KCTD8: variants seen among roughly 807,000 people sequenced by gnomAD.
The protein encoded by KCTD8 is potassium channel tetramerization domain containing 8.
In KCTD8, 27 loss-of-function variants were observed where a neutral mutation model predicts 31.5. The ratio of observed to expected loss-of-function variants is 0.86; its 90% CI spans 0.63 to 1.18. The LOEUF (loss-of-function observed/expected upper bound fraction) is 1.18. Ranked by LOEUF, KCTD8 falls within the 50% of genes most tolerant of loss-of-function variation. The pLI, the probability that KCTD8 is intolerant of heterozygous loss-of-function variation, is 0.00. For synonymous variants in KCTD8, 290 were observed against 280.0 expected, an observed-to-expected ratio of 1.04 and a Z score of -0.36; for missense variants, 658 against 647.7, an observed-to-expected ratio of 1.02 and a Z score of -0.17.
intron 1 of KCTD8, among the ~76,000 whole-genome samples, chr4:44,244,851 G>T (rs902978871): frequency 4.2e-5 from 6 of 144,254 alleles, no homozygotes; most frequent in African/African-American, 1.3e-4. Flanking sequence ...TAGTTGTGGG[G>T]GGGGGGGGGT....
chr4:44,337,114 TAACA>T (rs1309420912), intron 1 of KCTD8, among the ~76,000 whole-genome samples: 1 of 152,294 alleles, frequency 6.6e-6, no homozygotes, highest in South Asian at 2.1e-4. Context: ...TCAACCTAAC[TAACA>T]ATCAATTATA....
intron 1 of KCTD8, among the ~76,000 whole-genome samples, chr4:44,189,795 A>G (rs1713707411): frequency 6.6e-6 from 1 of 152,184 alleles, no homozygotes; most frequent in Non-Finnish European, 1.5e-5. Flanking sequence ...ATGTCAAAAA[A>G]TAACTTCATT....
chr4:44,425,311 T>A (rs1290759522), intron 1 of KCTD8, among the ~76,000 whole-genome samples: 2 of 152,038 alleles, frequency 1.3e-5, no homozygotes, highest in Non-Finnish European at 2.9e-5. Flanking sequence ...CCTACCTGCA[T>A]CTGAAAGAAA....
intron 1 of KCTD8, among the ~76,000 whole-genome samples, chr4:44,420,433 G>C (rs959155460): frequency 6.6e-6 from 1 of 152,094 alleles, no homozygotes; most frequent in Non-Finnish European, 1.5e-5. Context: ...TCTTCTAAAA[G>C]GCCAGACAAA....
chr4:44,242,050 G>A (rs936345839), intron 1 of KCTD8, among the ~76,000 whole-genome samples: 9 of 152,284 alleles, frequency 5.9e-5, no homozygotes, highest in African/African-American at 2.2e-4. Context: ...CACTCCAGCT[G>A]CCAATCTTCA....
chr4:44,337,217 C>T (rs1381339805), intron 1 of KCTD8, among the ~76,000 whole-genome samples: 1 of 151,888 alleles, frequency 6.6e-6, no homozygotes, highest in Non-Finnish European at 1.5e-5. Flanking sequence ...TAAAGACAGG[C>T]TGGTAGGAGT....
chr4:44,285,768 C>T (rs1717047023), intron 1 of KCTD8, among the ~76,000 whole-genome samples: 1 of 152,076 alleles, frequency 6.6e-6, no homozygotes, highest in South Asian at 2.1e-4. Context: ...ATTTTCAAGT[C>T]TTCTTATTTA....
chr4:44,253,844 A>G lies in KCTD8; in HGVS notation c.962-78594T>C, dbSNP rs149428626. ...GTTTTAGAATTTTTGTTACATAGCA[A>G]TAAGTAGCTAAAACAGAAATTGATC... On this transcript the variant is annotated intron_variant, in intron 1 of 1. Coordinates refer to ENST00000360029, the MANE Select transcript of KCTD8 (RefSeq NM_198353.3). Among the ~76,000 whole-genome samples the G allele has an allele frequency of 3.0e-4, 46 of 152,008 alleles. 1 individual carries two copies. The East Asian group carries it at 4.5e-3, about 15-fold the overall frequency.
At chr4:44,236,840 C>T (rs776981670) in intron 1 of KCTD8, among the ~76,000 whole-genome samples, 32 of 152,066 alleles carry the variant, frequency 2.1e-4, no homozygotes, top group Non-Finnish European at 3.4e-4. Flanking sequence ...AGAACTGAAT[C>T]GTGGGGGCAG....
At chr4:44,373,611 T>G (rs1416616360) in intron 1 of KCTD8, among the ~76,000 whole-genome samples, 1 of 152,126 alleles carries the variant, frequency 6.6e-6, no homozygotes, top group Non-Finnish European at 1.5e-5. Flanking sequence ...TATACAAGTT[T>G]AGTTGTTTTT....
At chr4:44,395,162 G>A (rs1388247758) in intron 1 of KCTD8, among the ~76,000 whole-genome samples, 1 of 152,062 alleles carries the variant, frequency 6.6e-6, no homozygotes, top group Admixed American at 6.6e-5. Context: ...AGAAAGGTAA[G>A]AAAAGGGCAT....
At chr4:44,363,927 A>T (rs1719565192) in intron 1 of KCTD8, among the ~76,000 whole-genome samples, 1 of 152,138 alleles carries the variant, frequency 6.6e-6, no homozygotes, top group South Asian at 2.1e-4. Flanking sequence ...TTATACCTTT[A>T]ACCAAAAAAT....
chr4:44,192,272 A>C (rs1283508147), intron 1 of KCTD8, among the ~76,000 whole-genome samples: 2 of 152,218 alleles, frequency 1.3e-5, no homozygotes, highest in African/African-American at 2.4e-5. Context: ...TTATTATGAC[A>C]GCAATATAAA....
intron 1 of KCTD8, among the ~76,000 whole-genome samples, chr4:44,285,750 T>G (rs1409222122): frequency 6.6e-6 from 1 of 151,990 alleles, no homozygotes; most frequent in Non-Finnish European, 1.5e-5. Context: ...GATCAAGGAG[T>G]AATTCTGATT....
chr4:44,234,534 T>C (rs556942575), intron 1 of KCTD8, among the ~76,000 whole-genome samples: 1 of 152,186 alleles, frequency 6.6e-6, no homozygotes, highest in South Asian at 2.1e-4. Flanking sequence ...TATTAATACA[T>C]GTCAACTGAA....
chr4:44,324,355 G>T (rs545299231), intron 1 of KCTD8, among the ~76,000 whole-genome samples: 1 of 151,748 alleles, frequency 6.6e-6, no homozygotes, highest in South Asian at 2.1e-4. Context: ...TTTTTTGATG[G>T]GTACATTCTT....
intron 1 of KCTD8, among the ~76,000 whole-genome samples, chr4:44,284,352 A>G (rs1385327359): frequency 6.6e-6 from 1 of 152,208 alleles, no homozygotes; most frequent in Non-Finnish European, 1.5e-5. Flanking sequence ...GACAAACCCA[A>G]CACACACAAG....
At chr4:44,291,094 T>A (rs1009891463) in intron 1 of KCTD8, among the ~76,000 whole-genome samples, 1 of 151,710 alleles carries the variant, frequency 6.6e-6, no homozygotes. Flanking sequence ...AAAGAGAAGA[T>A]CCAAATAAGC....
intron 1 of KCTD8, among the ~76,000 whole-genome samples, chr4:44,188,697 G>C (rs1713667734): frequency 6.6e-6 from 1 of 152,172 alleles, no homozygotes. Flanking sequence ...ATCCTTACAA[G>C]AGGGAGGTAG....
Sources: allele counts gnomAD v4.1 joint callset (sites outside exome capture counted in the v4.1 genomes callset), GRCh38; gene constraint gnomAD v4.1.1; transcripts MANE v1.5; gene names NCBI Gene and HGNC (gene_info 2026-07-23, HGNC 2026-07-21).